ME3: variants seen among roughly 807,000 people sequenced by gnomAD.
The protein encoded by ME3 is NADP-dependent malic enzyme, mitochondrial.
A neutral mutation model predicts 68.9 loss-of-function variants in ME3; 48 were observed. The observed-to-expected ratio is 0.70, with a 90% confidence interval of 0.55 to 0.89. The LOEUF (loss-of-function observed/expected upper bound fraction) is 0.89, where lower values mean the gene tolerates loss of function less well. Ranked by LOEUF, ME3 falls within the 40% of genes least tolerant of loss-of-function variation. ME3 has a pLI of 0.00. For synonymous variants in ME3, 320 were observed against 318.8 expected, an observed-to-expected ratio of 1.00 and a Z score of -0.04; for missense variants, 675 against 797.4, an observed-to-expected ratio of 0.85 and a Z score of 1.85.
chr11:86,599,201 GA>G (rs1162651946), intron 2 of ME3, among the ~76,000 whole-genome samples: 1 of 152,112 alleles, frequency 6.6e-6, no homozygotes, highest in African/African-American at 2.4e-5. Context: ...TGAAAACATT[GA>G]AAAAAATTTA....
At chr11:86,633,711 G>A (rs113163130) in intron 2 of ME3, among the ~76,000 whole-genome samples, 130 of 152,296 alleles carry the variant, frequency 8.5e-4, no homozygotes, top group African/African-American at 2.8e-3. Context: ...ACAGAGGACC[G>A]TGCTAGAGGG....
Position 86,608,909 on chromosome 11 carries a change from G to A in ME3, c.184-49086C>T, listed in dbSNP as rs866314397. On this transcript the variant is annotated intron_variant, in intron 2 of 14. Transcript: ENST00000543262. ...GATATACTTACTTCTAAAAAGGCACGTATTTTTTTGGATAATGGATAACAA... is the reference window on the plus strand; with the variant it reads ...GATATACTTACTTCTAAAAAGGCACATATTTTTTTGGATAATGGATAACAA... Among the ~76,000 whole-genome samples the A allele has an allele frequency of 7.2e-5, 11 of 152,230 alleles. No homozygotes were observed. In the South Asian group the frequency reaches 2.1e-3, roughly 29 times the overall value.
intron 2 of ME3, among the ~76,000 whole-genome samples, chr11:86,601,550 C>T (rs9667156): frequency 0.17 from 26,176 of 151,730 alleles, 2,563 homozygotes; most frequent in East Asian, 0.39. Context: ...ACCATTCCTT[C>T]TGAAACTATT....
chr11:86,618,465 T>G (rs1293887678), intron 2 of ME3, among the ~76,000 whole-genome samples: 1 of 152,162 alleles, frequency 6.6e-6, no homozygotes, highest in Non-Finnish European at 1.5e-5. Context: ...GAAAAACGCC[T>G]TCCACAGAGG....
rs748371206 is a variant in ME3 at position 86,498,121 on chromosome 11, C to A, written c.547G>T (p.Val183Leu). 3.7e-6 allele frequency: 6 copies of A among 1,608,892 alleles called. No homozygotes were observed. The Admixed American group carries it at 8.4e-5, about 23-fold the overall frequency. ...ATGCGCTCCCCATCAGTCACCACCACGGCCTGAAAAACAGCAGGGCACCAT... is the reference window on the plus strand; with the variant it reads ...ATGCGCTCCCCATCAGTCACCACCAAGGCCTGAAAAACAGCAGGGCACCAT... Residue 183 changes from valine (V) to leucine (L), a missense_variant, in exon 6 of 15, where the codon GTG (valine) becomes TTG (leucine). By Grantham distance (32) the Val-to-Leu change is conservative. Transcript: ENST00000543262.
Position 86,567,243 on chromosome 11 carries a change from A to AAAGGAAGGAAGGAAGGAAGGAAGG in ME3, c.184-7444_184-7421dup, listed in dbSNP as rs149764846. Among the ~76,000 whole-genome samples the AAAGGAAGGAAGGAAGGAAGGAAGG allele has an allele frequency of 3.5e-5, 5 of 144,582 alleles. No individual in the cohort carries two copies. The East Asian group carries it at 6.1e-4, about 18-fold the overall frequency. The allele number at this position is 144,582 out of a possible 152,430, so 94.9% of individuals were successfully genotyped here. ...AAAGAAAGAAAGAAAGAAAAGAAAGAAAGGAAGGAAGGAAGGAAGGAAGGA... is the reference window on the plus strand; with the variant it reads ...AAAGAAAGAAAGAAAGAAAAGAAAGAAAGGAAGGAAGGAAGGAAGGAAGGAAGGAAGGAAGGAAGGAAGGAAGGA... On this transcript the variant is annotated intron_variant, in intron 2 of 14. Transcript: ENST00000543262.
At chr11:86,534,858 T>C (rs1365678082) in intron 4 of ME3, among the ~76,000 whole-genome samples, 1 of 152,140 alleles carries the variant, frequency 6.6e-6, no homozygotes, top group Non-Finnish European at 1.5e-5. Context: ...TAAGAAAATA[T>C]GGCCCATCTG....
At chr11:86,449,614 G>C (rs1463035403) in intron 10 of ME3, among the ~76,000 whole-genome samples, 1 of 152,214 alleles carries the variant, frequency 6.6e-6, no homozygotes, top group Non-Finnish European at 1.5e-5. Context: ...GCTGCTTTTG[G>C]AAACTATGAT....
intron 4 of ME3, among the ~76,000 whole-genome samples, chr11:86,523,766 T>C (rs1225798760): frequency 1.3e-5 from 2 of 152,054 alleles, no homozygotes; most frequent in Non-Finnish European, 2.9e-5. Context: ...CTCCATCACA[T>C]CATTAGCTGA....
At chr11:86,611,668 TATC>T (rs1383617319) in intron 2 of ME3, among the ~76,000 whole-genome samples, 38 of 151,926 alleles carry the variant, frequency 2.5e-4, no homozygotes, top group African/African-American at 8.9e-4. Context: ...GGCTTTTCCT[TATC>T]ATGCAATGGG....
At chr11:86,573,240 T>C (rs1010693014) in intron 2 of ME3, among the ~76,000 whole-genome samples, 10 of 152,186 alleles carry the variant, frequency 6.6e-5, no homozygotes, top group African/African-American at 2.4e-4. Flanking sequence ...GCCTATTCAC[T>C]CTGATGATAG....
intron 2 of ME3, among the ~76,000 whole-genome samples, chr11:86,637,524 C>T (rs1418027618): frequency 6.6e-6 from 1 of 152,218 alleles, no homozygotes; most frequent in East Asian, 1.9e-4. Flanking sequence ...GAGTAGGCAG[C>T]ACAAAGATGT....
chr11:86,441,479 G>T (rs755594569), intron 14 of ME3, 39 bp from the exon 15 acceptor site: 5 of 1,533,698 alleles, frequency 3.3e-6, no homozygotes, highest in Non-Finnish European at 4.4e-6. Flanking sequence ...CCGGATCTAA[G>T]GGGAAACCTG....
intron 2 of ME3, among the ~76,000 whole-genome samples, chr11:86,657,621 T>TA (rs1186751251): frequency 6.6e-6 from 1 of 151,856 alleles, no homozygotes; most frequent in Non-Finnish European, 1.5e-5. Context: ...AGTATAATAA[T>TA]AAAAAAAAGA....
chr11:86,624,767 C>T (rs1943555151), intron 2 of ME3, among the ~76,000 whole-genome samples: 1 of 152,226 alleles, frequency 6.6e-6, no homozygotes, highest in South Asian at 2.1e-4. Flanking sequence ...AACTTCTCCT[C>T]TGGCATCAGA....
intron 2 of ME3, among the ~76,000 whole-genome samples, chr11:86,570,280 G>A (rs1957716837): frequency 6.6e-6 from 1 of 152,210 alleles, no homozygotes; most frequent in South Asian, 2.1e-4. Context: ...GCATAGCTGG[G>A]ATAGAGCTGT....
chr11:86,468,474 C>T (rs1213079564), intron 7 of ME3, among the ~76,000 whole-genome samples: 1 of 152,152 alleles, frequency 6.6e-6, no homozygotes, highest in African/African-American at 2.4e-5. Context: ...TAAATTCATC[C>T]ATCCAAACAC....
At chr11:86,469,959 C>G (rs1950695160) in intron 7 of ME3, among the ~76,000 whole-genome samples, 1 of 151,748 alleles carries the variant, frequency 6.6e-6, no homozygotes, top group Non-Finnish European at 1.5e-5. Context: ...TGTGATGATA[C>G]CCAGGCCACA....
chr11:86,559,215 G>A (rs771622471), intron 3 of ME3, among the ~76,000 whole-genome samples: 64 of 152,178 alleles, frequency 4.2e-4, no homozygotes, highest in Middle Eastern at 6.8e-3. Context: ...TGACATCTAG[G>A]TCCATCCTAA....
Sources: gnomAD v4.1 joint callset for allele counts (sites outside exome capture counted in the v4.1 genomes callset) on GRCh38, gnomAD v4.1.1 for gene constraint, MANE v1.5 for transcripts, NCBI Gene and HGNC (gene_info 2026-07-23, HGNC 2026-07-21) for gene names.